The following PHLDB1 variants were observed in gnomAD, a reference collection of about 807,000 sequenced individuals.
PHLDB1 encodes the protein pleckstrin homology like domain family B member 1, also known as pleckstrin homology-like domain family B member 1.
In PHLDB1, 65 loss-of-function variants were observed where a neutral mutation model predicts 139.3. The ratio of observed to expected loss-of-function variants is 0.47; its 90% CI spans 0.38 to 0.57. The LOEUF (loss-of-function observed/expected upper bound fraction) is 0.57, where lower values mean the gene tolerates loss of function less well. Ranked by LOEUF, PHLDB1 falls within the 20% of genes least tolerant of loss-of-function variation. PHLDB1 has a pLI of 0.00. For synonymous variants in PHLDB1, 679 were observed against 734.5 expected, an observed-to-expected ratio of 0.92 and a Z score of 1.22; for missense variants, 1,624 against 1,839.7, an observed-to-expected ratio of 0.88 and a Z score of 2.14.
chr11:118,645,608 C>T lies in PHLDB1; in HGVS notation c.3374C>T (p.Ser1125Phe). ...TCTGACAGCATGGAGACCAGCATCT[C>T]CACCGGGGGCAACTCGGCCTGCTCC... ...ESSDSMETSISTGGNSACSPD... is the reference protein window; with the variant it reads ...ESSDSMETSIFTGGNSACSPD... The change falls in exon 16 of 23, where the codon TCC becomes TTC. Residue 1125 changes from serine to phenylalanine, a missense_variant. Coordinates refer to ENST00000600882, the MANE Select transcript of PHLDB1 (RefSeq NM_001144758.3). This position sits in a 1 kb window ranked among gnomAD's most constrained non-coding sequence, Gnocchi z 5.1. 1 of 1,613,390 alleles carries T rather than the reference C, an allele frequency of 6.2e-7. No individual in the cohort carries two copies. Among genetic ancestry groups the T allele is most frequent in the Non-Finnish European group, 8.5e-7 (1 of 1,179,458 alleles).
chr11:118,640,037 C>T (rs1416445852), intron 12 of PHLDB1: 1 of 979,760 alleles, frequency 1.0e-6, no homozygotes, highest in Non-Finnish European at 1.2e-6. Flanking sequence ...TCTGCTTTGC[C>T]CACTGCCTGT....
At position 118,627,594 on chromosome 11, in the gene PHLDB1, A is replaced by C; in HGVS notation, c.771A>C (p.Pro257=). The change falls in exon 6 of 23, where the codon CCA becomes CCC. Residue 257 remains proline (P), a synonymous_variant. Coordinates refer to ENST00000600882, the MANE Select transcript of PHLDB1 (RefSeq NM_001144758.3). ...AGAACACCTCTCCAGCCTTCTCTCC[A>C]CTCTCTTCACCAGCCAGCAGTGGAA... ...SYENTSPAFS[P]LSSPASSGSC... 1 of 1,613,064 alleles carries C rather than the reference A, an allele frequency of 6.2e-7. No homozygotes were observed. The highest frequency in any genetic ancestry group is 8.5e-7 in the Non-Finnish European group (1 of 1,179,852).
At chr11:118,615,587 AAG>A (rs782181375) in intron 3 of PHLDB1, 69 of 158,644 alleles carry the variant, frequency 4.3e-4, no homozygotes, top group Non-Finnish European at 8.7e-4. Flanking sequence ...GGTTGCACTG[AAG>A]AGAGAGGTTA....
At chr11:118,617,104 T>A (rs1941803545) in intron 4 of PHLDB1, among the ~76,000 whole-genome samples, 1 of 152,140 alleles carries the variant, frequency 6.6e-6, no homozygotes, top group African/African-American at 2.4e-5. Context: ...TTACTATGGT[T>A]AGCAGGCAGG....
At chr11:118,617,727 A>AC (rs1555090990) in intron 4 of PHLDB1, among the ~76,000 whole-genome samples, 1 of 152,006 alleles carries the variant, frequency 6.6e-6, no homozygotes, top group African/African-American at 2.4e-5. Context: ...CAGCAGCAGT[A>AC]CGTAGGCCCT....
rs1421018329 is a variant in PHLDB1, at chr11:118,610,588, G to A, written c.-22+2889G>A. The A allele has an allele frequency of 7.1e-6, 4 of 561,302 alleles. No homozygotes were observed. In the Admixed American group the frequency reaches 1.9e-4, roughly 27 times the overall value. 34.8% of individuals were successfully genotyped at this position (561,302 alleles called of 1,614,324 possible). On this transcript the variant is annotated intron_variant, in intron 1 of 22. Coordinates refer to ENST00000600882, the MANE Select transcript of PHLDB1 (RefSeq NM_001144758.3). This position sits in a 1 kb window ranked among gnomAD's most constrained non-coding sequence, Gnocchi z 8.7. ...CCGAGCAGTGGCCCCGCGAAGGGCC[G>A]GGTCTGGTGCTCTGGGGCTGGCTTT...
chr11:118,649,860 CAG>C (rs1238511403), intron 18 of PHLDB1, among the ~76,000 whole-genome samples: 1 of 152,176 alleles, frequency 6.6e-6, no homozygotes, highest in Non-Finnish European at 1.5e-5. Flanking sequence ...AACTGAGGCA[CAG>C]AGTGACTTCG....
rs1555141261 is a variant in PHLDB1 at position 118,655,687 on chromosome 11, C to T, written c.3957C>T (p.Ala1319=). ...EVYYDHLRSA[A]KKRFFRFTMV... Reference sequence around the variant, plus strand: ...ACTACGACCACCTGCGCAGTGCAGCCAAGGTCAGGGGTGGAGGGCACCAGA... The same window carrying T: ...ACTACGACCACCTGCGCAGTGCAGCTAAGGTCAGGGGTGGAGGGCACCAGA... The change falls in exon 21 of 23, where the codon GCC becomes GCT. Residue 1319 remains alanine (A), a synonymous_variant. Transcript: ENST00000600882. 1.9e-6 allele frequency: 3 copies of T among 1,609,850 alleles called. No individual in the cohort carries two copies. Among genetic ancestry groups the T allele is most frequent in the Admixed American group, 1.7e-5 (1 of 60,008 alleles).
chr11:118,613,566 G>T, intron 1 of PHLDB1: 1 of 748,632 alleles, frequency 1.3e-6, no homozygotes, highest in Non-Finnish European at 1.9e-6. Context: ...TGGGCCCTAT[G>T]GGACTGTTTG....
chr11:118,614,020 G>A (rs1941060090), intron 2 of PHLDB1, 124 bp downstream of exon 2: 2 of 661,906 alleles, frequency 3.0e-6, no homozygotes, highest in Non-Finnish European at 2.7e-6. Context: ...CCCTTCCCCA[G>A]GTCCCAAGCC....
intron 4 of PHLDB1, chr11:118,624,730 T>C (rs1943542678): frequency 3.9e-6 from 2 of 513,742 alleles, no homozygotes; most frequent in Admixed American, 3.3e-5. Flanking sequence ...GTCTCCTGAG[T>C]AGCTGGGATT....
chr11:118,611,556 G>A lies in PHLDB1; in HGVS notation c.-21-2260G>A, dbSNP rs547631440. ...GAACTGCCTTGCTCCAGGTCACACA[G>A]CTCATAATAATAAACGGGGCCAGGC... On this transcript the variant is annotated intron_variant, in intron 1 of 22. Transcript: ENST00000600882. This position sits in a 1 kb window ranked among gnomAD's most constrained non-coding sequence, Gnocchi z 4.7. 2.0e-5 allele frequency among the ~76,000 whole-genome samples: 3 copies of A among 152,140 alleles called. No homozygotes were observed. Among genetic ancestry groups the A allele is most frequent in the African/African-American group, 7.2e-5 (3 of 41,402 alleles).
At chr11:118,624,875 GT>G in intron 4 of PHLDB1, 58 bp from the exon 5 acceptor site, 1 of 1,588,848 alleles carries the variant, frequency 6.3e-7, no homozygotes, top group Non-Finnish European at 8.6e-7. Flanking sequence ...CTCCAAAAGT[GT>G]TGGGATTACA....
At chr11:118,643,462 G>A (rs1555123174) in intron 13 of PHLDB1, 1 of 970,650 alleles carries the variant, frequency 1.0e-6, no homozygotes, top group African/African-American at 1.8e-5. Context: ...CAGCCTGTTA[G>A]TGGCAGAGCT....
At chr11:118,622,497 C>G (rs782307107) in intron 4 of PHLDB1, among the ~76,000 whole-genome samples, 1 of 152,182 alleles carries the variant, frequency 6.6e-6, no homozygotes, top group Non-Finnish European at 1.5e-5. Context: ...CCCCTTATGC[C>G]GGGGAGGGTG....
intron 13 of PHLDB1, 113 bp from the exon 14 acceptor site, chr11:118,643,687 G>C (rs1470324210): frequency 1.9e-6 from 3 of 1,573,986 alleles, no homozygotes; most frequent in Admixed American, 3.6e-5. Context: ...GAGCCAGAAG[G>C]CCTCAGAGGC....
At position 118,639,176 on chromosome 11, in the gene PHLDB1, G is replaced by C. The variant is rs1555118118; in HGVS notation, c.2661G>C (p.Leu887=). 1 of 1,614,132 alleles carries C rather than the reference G, an allele frequency of 6.2e-7. No individual in the cohort carries two copies. The highest frequency in any genetic ancestry group is 1.1e-5 in the South Asian group (1 of 91,066). ...LQLLQKEKEK[L]TVLERRYHSL... is the part of the protein sequence containing the mutation. ...TGGGCTCGCAGGAGAAGGAGAAGCT[G>C]ACTGTGCTGGAAAGGAGATACCACT... Residue 887 remains leucine, a synonymous_variant, in exon 12 of 23, where the codon CTG becomes CTC. Coordinates refer to ENST00000600882, the MANE Select transcript of PHLDB1 (RefSeq NM_001144758.3).
In PHLDB1 at chr11:118,643,880, C is replaced by CTCT; in HGVS notation, c.2961_2963dup (p.Ser992dup). The CTCT allele has an allele frequency of 6.2e-7, 1 of 1,612,112 alleles. No individual in the cohort carries two copies. The highest frequency in any genetic ancestry group is 8.5e-7 in the Non-Finnish European group (1 of 1,178,952). ...GCGGCCCCCTCCCCTCCTCCTCTGG[C>CTCT]TCTTCCTCCTCCTCCTCCCAGCTCA... On this transcript the variant is annotated inframe_insertion, in exon 14 of 23. Coordinates refer to ENST00000600882, the MANE Select transcript of PHLDB1 (RefSeq NM_001144758.3).
intron 3 of PHLDB1, 123 bp from the exon 4 acceptor site, chr11:118,615,918 G>A (rs1941543171): frequency 2.6e-6 from 2 of 782,940 alleles, no homozygotes; most frequent in Non-Finnish European, 2.1e-6. Context: ...GGTGGCCAGT[G>A]GTGGGCAGAG....
Sources: allele counts gnomAD v4.1 joint callset (sites outside exome capture counted in the v4.1 genomes callset), GRCh38; gene constraint gnomAD v4.1.1; non-coding constraint Gnocchi (gnomAD v3.1); transcripts MANE v1.5; gene names NCBI Gene and HGNC (gene_info 2026-07-23, HGNC 2026-07-21).